The following PHF24 variants were observed in gnomAD, a reference collection of about 807,000 sequenced individuals.
PHF24 encodes Galpha inhibitory interacting protein.
A neutral mutation model predicts 42.6 loss-of-function variants in PHF24; 25 were observed. The ratio of observed to expected loss-of-function variants is 0.59; its 90% CI spans 0.43 to 0.82. The LOEUF (loss-of-function observed/expected upper bound fraction) is 0.82. PHF24 is among the 40% of genes least tolerant of loss of function. The pLI is 0.00. For missense variants in PHF24, 470 were observed against 538.1 expected (o/e 0.87, Z 1.25); for synonymous variants, 185 against 204.8 (o/e 0.90, Z 0.83).
the PHF24 span, among the ~76,000 whole-genome samples, chr9:34,769,716 TGACA>T: frequency 2.0e-5 from 3 of 152,166 alleles, no homozygotes; most frequent in Admixed American, 6.5e-5. Context: ...ATGCATAAAC[TGACA>T]GACAAACAGA....
chr9:34,777,323 G>C, the PHF24 span, among the ~76,000 whole-genome samples: 1 of 152,152 alleles, frequency 6.6e-6, no homozygotes, highest in East Asian at 1.9e-4. Context: ...GGCCCTGGTT[G>C]GTGTGTGCTG....
chr9:34,785,357 G>A, the PHF24 span, among the ~76,000 whole-genome samples: 1 of 152,170 alleles, frequency 6.6e-6, no homozygotes, highest in African/African-American at 2.4e-5. Flanking sequence ...CAAAGGGTCC[G>A]AAACTCTTAA....
At chr9:34,721,574 A>G in the PHF24 span, among the ~76,000 whole-genome samples, 5 of 152,108 alleles carry the variant, frequency 3.3e-5, no homozygotes, top group South Asian at 1.0e-3. Flanking sequence ...CCACGCCCAG[A>G]TAATTTTTGT....
chr9:34,865,313 A>G, the PHF24 span, among the ~76,000 whole-genome samples: 1 of 142,220 alleles, frequency 7.0e-6, no homozygotes, highest in Admixed American at 7.0e-5. Context: ...CTGCAATCAC[A>G]GTACTTTGGG....
chr9:34,880,568 T>C, the PHF24 span, among the ~76,000 whole-genome samples: 2 of 152,044 alleles, frequency 1.3e-5, no homozygotes, highest in Admixed American at 1.3e-4. Flanking sequence ...TAGTCTCTTA[T>C]AAAACAGACT....
the PHF24 span, among the ~76,000 whole-genome samples, chr9:34,856,951 G>A: frequency 6.6e-6 from 1 of 152,328 alleles, no homozygotes. Flanking sequence ...ATATAGCCCT[G>A]GCTGGAGTTG....
chr9:34,822,547 T>C, the PHF24 span, among the ~76,000 whole-genome samples: 1 of 152,352 alleles, frequency 6.6e-6, no homozygotes, highest in East Asian at 1.9e-4. Context: ...TCATTTCTCA[T>C]TCCGTACTTC....
At chr9:34,840,006 CCA>C in the PHF24 span, among the ~76,000 whole-genome samples, 1 of 152,058 alleles carries the variant, frequency 6.6e-6, no homozygotes, top group Non-Finnish European at 1.5e-5. Context: ...AAGGAATGTG[CCA>C]CAGAGTTCAT....
chr9:34,832,610 G>A, the PHF24 span: 3 of 1,542,410 alleles, frequency 1.9e-6, no homozygotes, highest in South Asian at 3.6e-5. Flanking sequence ...TGGAATCCTT[G>A]TGCCCTTTGC....
the PHF24 span, among the ~76,000 whole-genome samples, chr9:34,937,403 T>C: frequency 6.6e-6 from 1 of 152,056 alleles, no homozygotes; most frequent in Non-Finnish European, 1.5e-5. Context: ...GTTGAATGGA[T>C]TAAGGGCGGT....
chr9:34,773,922 A>G, the PHF24 span, among the ~76,000 whole-genome samples: 1 of 152,224 alleles, frequency 6.6e-6, no homozygotes, highest in Non-Finnish European at 1.5e-5. Flanking sequence ...GGAAAATAGC[A>G]TTGGGTAAAA....
At chr9:34,716,559 G>A in the PHF24 span, among the ~76,000 whole-genome samples, 1 of 122,274 alleles carries the variant, frequency 8.2e-6, no homozygotes, top group Non-Finnish European at 1.7e-5. Context: ...TGTTTGTTTT[G>A]TTTTGCTTTG....
At chr9:34,836,591 A>G in the PHF24 span, among the ~76,000 whole-genome samples, 12 of 152,204 alleles carry the variant, frequency 7.9e-5, no homozygotes, top group Admixed American at 7.8e-4. Flanking sequence ...AAATCTTAAG[A>G]GGATAAGATG....
the PHF24 span, among the ~76,000 whole-genome samples, chr9:34,932,026 C>T: frequency 2.6e-5 from 4 of 152,166 alleles, no homozygotes; most frequent in African/African-American, 9.6e-5. Flanking sequence ...TAAGGAGTGA[C>T]TATTTTCCCA....
chr9:34,944,624 C>T, the PHF24 span, among the ~76,000 whole-genome samples: 3 of 152,308 alleles, frequency 2.0e-5, no homozygotes, highest in African/African-American at 7.2e-5. Context: ...AGCATTCATC[C>T]AGATGTCTGT....
the PHF24 span, among the ~76,000 whole-genome samples, chr9:34,865,577 TAAAATA>T: frequency 5.9e-5 from 8 of 134,582 alleles, no homozygotes; most frequent in Middle Eastern, 3.6e-3. Flanking sequence ...AGTAAATAAA[TAAAATA>T]AAAATAATAA....
the PHF24 span, among the ~76,000 whole-genome samples, chr9:34,767,951 G>A: frequency 2.0e-5 from 3 of 152,268 alleles, no homozygotes; most frequent in South Asian, 2.1e-4. Flanking sequence ...CACATCTACC[G>A]ACACTATGGA....
At chr9:34,668,257 T>C in the PHF24 span, among the ~76,000 whole-genome samples, 1 of 152,148 alleles carries the variant, frequency 6.6e-6, no homozygotes, top group Non-Finnish European at 1.5e-5. Flanking sequence ...GTTCTCTTCT[T>C]CCTCTGGGAA....
At chr9:34,967,546 C>T (rs1826820776) in intron 1 of PHF24, among the ~76,000 whole-genome samples, 1 of 152,182 alleles carries the variant, frequency 6.6e-6, no homozygotes, top group Admixed American at 6.5e-5. Flanking sequence ...TGTAATTGCT[C>T]ATAATAAAAA....
Sources: allele counts gnomAD v4.1 joint callset (sites outside exome capture counted in the v4.1 genomes callset), GRCh38; gene constraint gnomAD v4.1.1; transcripts MANE v1.5; gene names NCBI Gene and HGNC (gene_info 2026-07-23, HGNC 2026-07-21).